FAM131C: variants seen among roughly 807,000 people sequenced by gnomAD.
The protein encoded by FAM131C is family with sequence similarity 131 member C.
A neutral mutation model predicts 29.8 loss-of-function variants in FAM131C; 14 were observed. That is an observed-to-expected ratio of 0.47 (90% confidence interval 0.31 to 0.73). The LOEUF is 0.73. Ranked by LOEUF, FAM131C falls within the 30% of genes least tolerant of loss-of-function variation. The pLI is 0.05. For synonymous variants in FAM131C, 86 were observed against 157.8 expected, an observed-to-expected ratio of 0.54 and a Z score of 3.41; for missense variants, 252 against 383.8, an observed-to-expected ratio of 0.66 and a Z score of 2.87.
In FAM131C at chr1:16,069,685, A is replaced by G. The variant is rs1328545391; in HGVS notation, c.22+3736T>C. ...TCCTCTCTGTTCCATACAGACTGCC[A>G]TTGGTTGCAGAGCCCCCAACAAATA... On this transcript the variant is annotated intron_variant, in intron 1 of 6. Transcript: ENST00000375662. Among the ~76,000 whole-genome samples, 4 of 152,320 alleles carry G rather than the reference A, an allele frequency of 2.6e-5. No individual in the cohort carries two copies. In the East Asian group the frequency reaches 7.7e-4, roughly 29 times the overall value.
intron 1 of FAM131C, among the ~76,000 whole-genome samples, chr1:16,067,544 G>A (rs2023697057): frequency 6.6e-6 from 1 of 152,092 alleles, no homozygotes; most frequent in Admixed American, 6.5e-5. Context: ...GCTTCTGGCT[G>A]CCATGGCAAC....
In FAM131C at chr1:16,058,532, C is replaced by A; in HGVS notation, c.748G>T (p.Ala250Ser). ...TGGGTCCCACCCTCGGGTCCTTGGG[C>A]CCCGGGCAGCCGCCGCCGATGCTGC... ...ELQHRRRLPGAQGPEGGTHPP... is the reference protein window; with the variant it reads ...ELQHRRRLPGSQGPEGGTHPP... The change falls in exon 7 of 7, where the codon GCC becomes TCC. Residue 250 changes from alanine to serine, a missense_variant. This residue lies in a region of FAM131C where 42 missense variants were observed against 51.7 expected (regional missense o/e 0.81). Coordinates refer to ENST00000375662, the MANE Select transcript of FAM131C (RefSeq NM_182623.3). The A allele has an allele frequency of 1.3e-6, 2 of 1,523,388 alleles. No individual in the cohort carries two copies. The highest frequency in any genetic ancestry group is 1.8e-6 in the Non-Finnish European group (2 of 1,135,998). The allele number at this position is 1,523,388 out of a possible 1,614,324, so 94.4% of individuals were successfully genotyped here. A position where few individuals can be genotyped will look rare whatever the true frequency, so the allele number is the denominator to read the frequency against.
Position 16,062,380 on chromosome 1 carries a change from G to GCCCCC in FAM131C, c.174+114_174+118dup, listed in dbSNP as rs34673312. Reference sequence around the variant, plus strand: ...CAACCCCCACCCACTGTTTCATCAGGCCCCCCCCCCCCCCGCCCCAGGGCC... The same window carrying GCCCCC: ...CAACCCCCACCCACTGTTTCATCAGGCCCCCCCCCCCCCCCCCCCGCCCCAGGGCC... On this transcript the variant is annotated intron_variant, in intron 3 of 6. Coordinates refer to ENST00000375662, the MANE Select transcript of FAM131C (RefSeq NM_182623.3). 1.9e-3 allele frequency: 1,611 copies of GCCCCC among 859,574 alleles called. 67 individuals carry two copies. The highest frequency in any genetic ancestry group is 9.8e-3 in the African/African-American group (327 of 33,520). 53.2% of individuals were successfully genotyped at this position (859,574 alleles called of 1,614,324 possible).
Position 16,062,386 on chromosome 1 carries a change from C to CCG in FAM131C, c.174+112_174+113insCG, listed in dbSNP as rs891595586. ...CCACCCACTGTTTCATCAGGCCCCC[C>CCG]CCCCCCCCGCCCCAGGGCCAGCAGG... On this transcript the variant is annotated intron_variant, in intron 3 of 6. Transcript: ENST00000375662. The CCG allele has an allele frequency of 1.7e-3, 2,079 of 1,190,598 alleles. 7 individuals are homozygous for CCG. The highest frequency in any genetic ancestry group is 2.3e-3 in the Non-Finnish European group (1,970 of 872,740). The allele number at this position is 1,190,598 out of a possible 1,614,324, so 73.8% of individuals were successfully genotyped here.
At chr1:16,072,925 A>G (rs2023768277) in intron 1 of FAM131C, among the ~76,000 whole-genome samples, 1 of 151,800 alleles carries the variant, frequency 6.6e-6, no homozygotes, top group Non-Finnish European at 1.5e-5. Flanking sequence ...GTGCCCCACC[A>G]TTAACCCTTT....
Position 16,059,855 on chromosome 1 carries a change from C to G in FAM131C, c.451+14G>C. ...ACCCCCACAGAGCCCTGGCCAGTCC[C>G]CCTCCTCGCTGACCTGCAGCAAAGC... On this transcript the variant is annotated intron_variant, in intron 5 of 6. Transcript: ENST00000375662. The G allele has an allele frequency of 1.2e-6, 2 of 1,609,446 alleles. No homozygotes were observed. Among genetic ancestry groups the G allele is most frequent in the African/African-American group, 2.7e-5 (2 of 74,970 alleles).
chr1:16,071,509 C>G (rs910686337), intron 1 of FAM131C, among the ~76,000 whole-genome samples: 12 of 152,226 alleles, frequency 7.9e-5, no homozygotes, highest in African/African-American at 2.9e-4. Context: ...GATGCAGCCA[C>G]CCAGAGTCTC....
intron 3 of FAM131C, 46 bp from the exon 4 acceptor site, chr1:16,062,238 G>T: frequency 6.3e-6 from 10 of 1,582,440 alleles, no homozygotes; most frequent in Non-Finnish European, 8.6e-6. Context: ...CCAGGCTGCC[G>T]GCCGACATCC....
At chr1:16,069,649 G>T (rs2023727701) in intron 1 of FAM131C, among the ~76,000 whole-genome samples, 1 of 152,164 alleles carries the variant, frequency 6.6e-6, no homozygotes, top group African/African-American at 2.4e-5. Flanking sequence ...GGAGAGAAGG[G>T]GGGCAAATAT....
chr1:16,064,166 C>T (rs1444545309), intron 1 of FAM131C, among the ~76,000 whole-genome samples: 2 of 152,128 alleles, frequency 1.3e-5, no homozygotes, highest in Admixed American at 1.3e-4. Flanking sequence ...TCTGTTTCTG[C>T]ATTTCCTGCT....
intron 2 of FAM131C, among the ~76,000 whole-genome samples, chr1:16,063,122 T>A (rs1466510136): frequency 1.4e-5 from 2 of 147,752 alleles, no homozygotes; most frequent in East Asian, 3.9e-4. Context: ...ATATAATATA[T>A]AAATTATATT....
Position 16,059,406 on chromosome 1 carries a change from C to G in FAM131C, c.562+88G>C, listed in dbSNP as rs545581137. On this transcript the variant is annotated intron_variant, in intron 6 of 6. Transcript: ENST00000375662. ...GGCTGAGAAAAGGAAGGGGCTTGGC[C>G]GAGGTCACACTGCCTTTGGTGATGG... The G allele has an allele frequency of 8.2e-5, 125 of 1,529,744 alleles. No homozygotes were observed. In the African/African-American group the frequency reaches 1.7e-3, roughly 20 times the overall value. The allele number at this position is 1,529,744 out of a possible 1,614,324, so 94.8% of individuals were successfully genotyped here. A position where few individuals can be genotyped will look rare whatever the true frequency, so the allele number is the denominator to read the frequency against.
chr1:16,063,444 G>A (rs2023633143), intron 2 of FAM131C, 77 bp downstream of exon 2: 1 of 1,143,278 alleles, frequency 8.7e-7, no homozygotes, highest in Admixed American at 1.8e-5. Context: ...GACTGGAATG[G>A]ATTCTGCTCC....
chr1:16,063,048 T>A (rs182042541), intron 2 of FAM131C, among the ~76,000 whole-genome samples: 5,798 of 142,582 alleles, frequency 0.041, 132 homozygotes, highest in African/African-American at 0.057. Flanking sequence ...TGGGGTCCCT[T>A]GTGACCCTTA....
At chr1:16,062,393 C>A in intron 3 of FAM131C, 106 bp downstream of exon 3, 2 of 1,255,944 alleles carry the variant, frequency 1.6e-6, no homozygotes, top group Non-Finnish European at 2.1e-6. Context: ...CCCCCCCCCC[C>A]CGCCCCAGGG....
At chr1:16,065,702 A>C (rs2023673789) in intron 1 of FAM131C, among the ~76,000 whole-genome samples, 2 of 152,160 alleles carry the variant, frequency 1.3e-5, no homozygotes, top group African/African-American at 4.8e-5. Flanking sequence ...TACCCTCCGG[A>C]GTACCCTGCA....
chr1:16,072,841 G>A (rs377438187), intron 1 of FAM131C, among the ~76,000 whole-genome samples: 42 of 152,156 alleles, frequency 2.8e-4, no homozygotes, highest in African/African-American at 9.9e-4. Flanking sequence ...GCTGTGCTCT[G>A]GCCCTTCTGT....
chr1:16,063,903 G>A (rs942012707), intron 1 of FAM131C, among the ~76,000 whole-genome samples: 2 of 151,938 alleles, frequency 1.3e-5, no homozygotes, highest in South Asian at 2.1e-4. Context: ...TTTTGGCCTC[G>A]TGGAGATCTT....
At position 16,073,552 on chromosome 1, in the gene FAM131C, C is replaced by CG; in HGVS notation, c.-111dup. The stretch of plus-strand genomic sequence containing the variant: ...CTGCGGAGCCAGAGGACGGGCGGGG[C>CG]GGGGGGCTCGGGCGCCCTCAGCTCG... On this transcript the variant is annotated 5_prime_UTR_variant, in exon 1 of 7. Coordinates refer to ENST00000375662, the MANE Select transcript of FAM131C (RefSeq NM_182623.3). The CG allele has an allele frequency of 2.1e-6, 1 of 484,264 alleles. No homozygotes were observed. 30.0% of individuals were successfully genotyped at this position (484,264 alleles called of 1,614,324 possible).
Sources: allele counts gnomAD v4.1 joint callset (sites outside exome capture counted in the v4.1 genomes callset), GRCh38; gene constraint gnomAD v4.1.1; regional missense constraint gnomAD v4.1.1; transcripts MANE v1.5; gene names NCBI Gene and HGNC (gene_info 2026-07-23, HGNC 2026-07-21).